FAM53A: variants seen among roughly 807,000 people sequenced by gnomAD.
FAM53A encodes the protein family with sequence similarity 53 member A.
Under a neutral mutation model 26.6 loss-of-function variants are expected in FAM53A, and 28 were observed. That is an observed-to-expected ratio of 1.05 (90% CI 0.78 to 1.45). FAM53A has a LOEUF of 1.45. Among genes scored for constraint, FAM53A ranks in the 40% most tolerant of loss-of-function variants. The pLI is 0.00. For synonymous variants in FAM53A, 290 were observed against 253.1 expected, an observed-to-expected ratio of 1.15 and a Z score of -1.38; for missense variants, 650 against 575.8, an observed-to-expected ratio of 1.13 and a Z score of -1.32.
downstream of FAM53A, among the ~76,000 whole-genome samples, chr4:1,639,550 C>T (rs914461585): frequency 6.6e-5 from 10 of 152,272 alleles, no homozygotes; most frequent in African/African-American, 1.9e-4. Flanking sequence ...CTCCTGACCC[C>T]GGGCCAGCAC....
chr4:1,583,728 G>A, the FAM53A span, among the ~76,000 whole-genome samples: 22 of 152,334 alleles, frequency 1.4e-4, no homozygotes, highest in East Asian at 7.7e-4. Flanking sequence ...CGTTAGTGTC[G>A]TTCTTGCCGG....
chr4:1,660,790 G>A (rs1004930992), intron 2 of FAM53A, among the ~76,000 whole-genome samples: 2 of 151,836 alleles, frequency 1.3e-5, no homozygotes, highest in Non-Finnish European at 2.9e-5. Context: ...TCAGGAGGCC[G>A]AGGCAGGAGA....
At chr4:1,676,288 C>A (rs1012557923) in intron 1 of FAM53A, among the ~76,000 whole-genome samples, 2 of 152,176 alleles carry the variant, frequency 1.3e-5, no homozygotes, top group Non-Finnish European at 2.9e-5. Flanking sequence ...GTCTTCCCAC[C>A]GCATTCTCCC....
At chr4:1,631,712 A>C (rs562579873) in intron 1 of FAM53A, among the ~76,000 whole-genome samples, 1 of 152,348 alleles carries the variant, frequency 6.6e-6, no homozygotes, top group Admixed American at 6.5e-5. Context: ...AGCCAAATCA[A>C]CCAGCAAACA....
the FAM53A span, among the ~76,000 whole-genome samples, chr4:1,609,223 AAC>A: frequency 6.6e-6 from 1 of 151,926 alleles, no homozygotes; most frequent in African/African-American, 2.4e-5. Context: ...CACTCTCAGA[AAC>A]AGAGTCCGGG....
intron 2 of FAM53A, among the ~76,000 whole-genome samples, chr4:1,660,981 G>A (rs1276838517): frequency 2.0e-5 from 3 of 151,722 alleles, no homozygotes; most frequent in African/African-American, 2.4e-5. Flanking sequence ...ACCACAGCCC[G>A]CCACCCACCC....
At chr4:1,644,511 C>G (rs972435994) in intron 4 of FAM53A, 6 of 874,968 alleles carry the variant, frequency 6.9e-6, no homozygotes, top group Non-Finnish European at 1.0e-5. Context: ...CGGTGGAAAC[C>G]GAGGCCCACG....
At chr4:1,579,457 TC>T in the FAM53A span, among the ~76,000 whole-genome samples, 1 of 151,974 alleles carries the variant, frequency 6.6e-6, no homozygotes, top group Non-Finnish European at 1.5e-5. Context: ...CGCCCCCTTG[TC>T]CCAGCCCCGC....
intron 3 of FAM53A, among the ~76,000 whole-genome samples, chr4:1,656,102 C>G (rs1713361394): frequency 6.6e-6 from 1 of 152,178 alleles, no homozygotes; most frequent in Non-Finnish European, 1.5e-5. Flanking sequence ...TGCGGCTACC[C>G]CGGCCAGGAC....
chr4:1,620,348 A>G (rs141287304), intron 1 of FAM53A, among the ~76,000 whole-genome samples: 151,313 of 152,232 alleles, frequency 0.99, 75,204 homozygotes, highest in East Asian at 1. Flanking sequence ...CATCCCACAG[A>G]AGCACCTGAG....
At chr4:1,626,378 C>T (rs893599344) in intron 1 of FAM53A, among the ~76,000 whole-genome samples, 1 of 152,234 alleles carries the variant, frequency 6.6e-6, no homozygotes, top group Admixed American at 6.5e-5. Context: ...GGGAGCCCGA[C>T]GCAGACCAGA....
At chr4:1,617,069 G>A (rs563613683), downstream of FAM53A, among the ~76,000 whole-genome samples, 40 of 145,026 alleles carry the variant, frequency 2.8e-4, 2 homozygotes, top group Middle Eastern at 0.01. Context: ...CCCAGAGGGC[G>A]GAGGTTGCAG....
the FAM53A span, among the ~76,000 whole-genome samples, chr4:1,590,999 T>TAA: frequency 7.8e-6 from 1 of 127,478 alleles, no homozygotes; most frequent in Non-Finnish European, 1.6e-5. Flanking sequence ...TATATATATA[T>TAA]ATAATCATTC....
At chr4:1,643,346 G>C (rs531969786) in intron 4 of FAM53A, among the ~76,000 whole-genome samples, 1 of 151,790 alleles carries the variant, frequency 6.6e-6, no homozygotes, top group African/African-American at 2.4e-5. Flanking sequence ...GGCGCCTGTA[G>C]TCCCAGCTAC....
chr4:1,597,761 C>CTAAG, the FAM53A span, among the ~76,000 whole-genome samples: 21 of 152,230 alleles, frequency 1.4e-4, no homozygotes, highest in Admixed American at 9.8e-4. Context: ...TTTGGGAGGC[C>CTAAG]TAAGCAGGCA....
the FAM53A span, among the ~76,000 whole-genome samples, chr4:1,588,670 C>A: frequency 6.6e-6 from 1 of 152,352 alleles, no homozygotes. Flanking sequence ...GACTTCAGCT[C>A]CAGCCAGCAC....
chr4:1,684,609 T>TGGCGGCGGCGACCTGA (rs1553815922), upstream of FAM53A, among the ~76,000 whole-genome samples: 51 of 151,218 alleles, frequency 3.4e-4, no homozygotes, highest in Admixed American at 3.3e-3. Flanking sequence ...GCAAGACCTG[T>TGGCGGCGGCGACCTGA]GGCGGCGGCG....
At chr4:1,677,718 T>G (rs1259031318) in intron 1 of FAM53A, among the ~76,000 whole-genome samples, 1 of 152,066 alleles carries the variant, frequency 6.6e-6, no homozygotes, top group Non-Finnish European at 1.5e-5. Flanking sequence ...GTGTCCTCCC[T>G]TCAGATGGCA....
intron 1 of FAM53A, among the ~76,000 whole-genome samples, chr4:1,620,648 A>ACACT (rs1341212659): frequency 1.3e-5 from 2 of 151,992 alleles, no homozygotes; most frequent in African/African-American, 4.8e-5. Flanking sequence ...AGCCCAGGTG[A>ACACT]CACTGCAAGA....
Sources: gnomAD v4.1 joint callset for allele counts (sites outside exome capture counted in the v4.1 genomes callset) on GRCh38, gnomAD v4.1.1 for gene constraint, MANE v1.5 for transcripts, NCBI Gene and HGNC (gene_info 2026-07-23, HGNC 2026-07-21) for gene names.